The following CFHR4 variants were observed in gnomAD, a reference collection of about 807,000 sequenced individuals.
The protein encoded by CFHR4 is complement factor H related 4.
Under a neutral mutation model 69.3 loss-of-function variants are expected in CFHR4, and 64 were observed. That is an observed-to-expected ratio of 0.92 (90% confidence interval 0.76 to 1.14). The LOEUF is 1.14. Ranked by LOEUF, CFHR4 falls within the 50% of genes most tolerant of loss-of-function variation. The pLI, the probability that CFHR4 is intolerant of heterozygous loss-of-function variation, is 0.00. For synonymous variants in CFHR4, 244 were observed against 237.0 expected, an observed-to-expected ratio of 1.03 and a Z score of -0.27; for missense variants, 636 against 684.9, an observed-to-expected ratio of 0.93 and a Z score of 0.80.
Position 196,914,484 on chromosome 1 carries a change from T to C in CFHR4, c.1181-11T>C, listed in dbSNP as rs1658462564. The C allele has an allele frequency of 1.9e-6, 3 of 1,603,680 alleles. No homozygotes were observed. Among genetic ancestry groups the C allele is most frequent in the Non-Finnish European group, 2.6e-6 (3 of 1,175,120 alleles). ...CATAGAAAAGCAATCCTCAATTTTA[T>C]TTTGTTTCAGAATTTTGTGATATGC... On this transcript the variant is annotated splice_polypyrimidine_tract_variant and intron_variant, in intron 7 of 9. Transcript: ENST00000608469.
At chr1:196,890,421 T>C (rs1038429469) in intron 1 of CFHR4, among the ~76,000 whole-genome samples, 1 of 151,594 alleles carries the variant, frequency 6.6e-6, no homozygotes, top group African/African-American at 2.4e-5. Context: ...AAAGATAAAC[T>C]TGACAGAAAA....
chr1:196,917,004 T>C (rs1255874383), intron 9 of CFHR4, among the ~76,000 whole-genome samples: 1 of 151,636 alleles, frequency 6.6e-6, no homozygotes, highest in Non-Finnish European at 1.5e-5. Context: ...AAAATATGTT[T>C]GGAGAAGTAT....
intron 6 of CFHR4, 136 bp from the exon 7 acceptor site, chr1:196,912,604 A>G: frequency 9.8e-7 from 1 of 1,025,066 alleles, no homozygotes; most frequent in Non-Finnish European, 1.3e-6. Flanking sequence ...TGTCTAGGAA[A>G]CTTCCAGTTT....
intron 1 of CFHR4, among the ~76,000 whole-genome samples, chr1:196,897,150 A>G (rs1373113080): frequency 6.6e-6 from 1 of 151,640 alleles, no homozygotes; most frequent in South Asian, 2.1e-4. Flanking sequence ...CTTTCAATCA[A>G]GATGAAATGG....
intron 1 of CFHR4, among the ~76,000 whole-genome samples, chr1:196,889,318 CTT>C (rs1656897158): frequency 6.6e-6 from 1 of 151,506 alleles, no homozygotes; most frequent in Non-Finnish European, 1.5e-5. Flanking sequence ...AGGAATTTCT[CTT>C]GTTATTCCCT....
At chr1:196,906,724 T>G in intron 3 of CFHR4, 137 bp from the exon 4 acceptor site, 1 of 850,182 alleles carries the variant, frequency 1.2e-6, no homozygotes, top group Non-Finnish European at 1.7e-6. Context: ...AAACACTGAT[T>G]GTCGGACTAT....
intron 6 of CFHR4, among the ~76,000 whole-genome samples, chr1:196,911,331 A>G (rs1413682877): frequency 6.6e-6 from 1 of 151,642 alleles, no homozygotes; most frequent in East Asian, 1.9e-4. Flanking sequence ...CACAAAATAA[A>G]TAGACTACGG....
At chr1:196,900,372 G>C (rs1346230001) in intron 1 of CFHR4, among the ~76,000 whole-genome samples, 2 of 146,298 alleles carry the variant, frequency 1.4e-5, no homozygotes, top group Non-Finnish European at 3.0e-5. Flanking sequence ...GATAAAAATG[G>C]TTTAAATTTT....
chr1:196,910,366 AG>A lies in CFHR4; in HGVS notation c.887del (p.Gly296AspfsTer13), dbSNP rs1331740787. ...GTAGACCATACTTTCCAGTAGCTAC[AG>A]GACAATCTTACTCCTATTACTGTGA... ...TRRPYFPVATGQSYSYYCDQN... is the reference protein window; with the variant it reads ...TRRPYFPVATXQSYSYYCDQN... On this transcript the variant is annotated frameshift_variant, in exon 6 of 10. Coordinates refer to ENST00000608469, the MANE Select transcript of CFHR4 (RefSeq NM_001201550.3). LOFTEE classifies it high-confidence loss of function. The A allele has an allele frequency of 8.7e-6, 14 of 1,611,568 alleles. No individual in the cohort carries two copies. The highest frequency in any genetic ancestry group is 1.7e-5 in the Admixed American group (1 of 59,884).
intron 1 of CFHR4, among the ~76,000 whole-genome samples, chr1:196,891,996 AT>A (rs1261315635): frequency 6.6e-6 from 1 of 151,452 alleles, no homozygotes; most frequent in Non-Finnish European, 1.5e-5. Context: ...TACATTTCAG[AT>A]TTTTTCTTAT....
chr1:196,916,163 TG>T (rs1658612328), intron 9 of CFHR4, among the ~76,000 whole-genome samples: 1 of 151,478 alleles, frequency 6.6e-6, no homozygotes, highest in African/African-American at 2.4e-5. Flanking sequence ...TCTAGAATTT[TG>T]TCCCCCAAGT....
chr1:196,888,884 T>C (rs1257350560), intron 1 of CFHR4, among the ~76,000 whole-genome samples: 1 of 151,422 alleles, frequency 6.6e-6, no homozygotes, highest in Admixed American at 6.6e-5. Flanking sequence ...ATAATTTTCA[T>C]AGCTTTATGT....
intron 1 of CFHR4, among the ~76,000 whole-genome samples, chr1:196,896,488 A>C (rs1657302428): frequency 6.6e-6 from 1 of 151,596 alleles, no homozygotes; most frequent in African/African-American, 2.4e-5. Context: ...TTCTGTCTGC[A>C]TCTCTGTGAT....
rs762122396 is a variant in CFHR4 at position 196,907,407 on chromosome 1, C to A, written c.708C>A (p.Val236=). 6.2e-7 allele frequency: 1 copy of A among 1,611,506 alleles called. No homozygotes were observed. Among genetic ancestry groups the A allele is most frequent in the Non-Finnish European group, 8.5e-7 (1 of 1,178,772 alleles). ...PQKVYLPWSR[V]EYQCQSYYEL... ...AAGTGTATCTGCCATGGTCAAGAGTCGAGTACCAGTGCCAGTCCTACTATG... is the reference window on the plus strand; with the variant it reads ...AAGTGTATCTGCCATGGTCAAGAGTAGAGTACCAGTGCCAGTCCTACTATG... The change falls in exon 5 of 10, where the codon GTC becomes GTA. Residue 236 remains valine (V), a synonymous_variant. Coordinates refer to ENST00000608469, the MANE Select transcript of CFHR4 (RefSeq NM_001201550.3).
In CFHR4 at chr1:196,915,145, T is replaced by C. The variant is rs1295709573; in HGVS notation, c.1540+7T>C. ...GAACCACCAAGATGCATACGTAAGT[T>C]CTTAAAATTCTAGATCCTGAGAAAA... On this transcript the variant is annotated splice_region_variant and intron_variant, in intron 9 of 9. Transcript: ENST00000608469. 1 of 1,604,626 alleles carries C rather than the reference T, an allele frequency of 6.2e-7. No homozygotes were observed. The highest frequency in any genetic ancestry group is 8.5e-7 in the Non-Finnish European group (1 of 1,174,208).
At position 196,892,177 on chromosome 1, in the gene CFHR4, T is replaced by C. The variant is rs190332225; in HGVS notation, c.58+3969T>C. Among the ~76,000 whole-genome samples, 105 of 151,462 alleles carry C rather than the reference T, an allele frequency of 6.9e-4. 1 individual carries two copies. Among genetic ancestry groups the C allele is most frequent in the Admixed American group, 1.8e-3 (28 of 15,176 alleles). On this transcript the variant is annotated intron_variant, in intron 1 of 9. Coordinates refer to ENST00000608469, the MANE Select transcript of CFHR4 (RefSeq NM_001201550.3). Reference sequence around the variant, plus strand: ...AAGAGACCATACTACGTAGGAGAAGTGGATAAAGTGGAATGAGGTTCTTCT... The same window carrying C: ...AAGAGACCATACTACGTAGGAGAAGCGGATAAAGTGGAATGAGGTTCTTCT...
chr1:196,900,855 G>T (rs998014121), intron 1 of CFHR4, among the ~76,000 whole-genome samples: 1 of 151,048 alleles, frequency 6.6e-6, no homozygotes. Flanking sequence ...AAAATGGGGG[G>T]CAAAATCTAT....
Position 196,912,779 on chromosome 1 carries a change from T to A in CFHR4, c.1037T>A (p.Phe346Tyr), listed in dbSNP as rs1188366759. The A allele has an allele frequency of 2.9e-5, 46 of 1,598,178 alleles. No individual in the cohort carries two copies. The highest frequency in any genetic ancestry group is 3.8e-5 in the Non-Finnish European group (45 of 1,172,558). The change falls in exon 7 of 10, where the codon TTC becomes TAC. Residue 346 changes from phenylalanine (F) to tyrosine (Y), a missense_variant. By Grantham distance (22) the Phe-to-Tyr change is conservative. Transcript: ENST00000608469. ...SKSDIEIENG[F>Y]ISESSSIYIL... is the part of the protein sequence containing the mutation. ...TCAGATATAGAAATTGAAAATGGAT[T>A]CATTTCTGAATCTTCCTCTATTTAT... is the stretch of plus-strand genomic sequence containing the variant.
Position 196,918,499 on chromosome 1 carries a change from T to C in CFHR4, c.*93T>C, listed in dbSNP as rs563502698. The C allele has an allele frequency of 3.4e-4, 424 of 1,252,380 alleles. 10 individuals are homozygous for C. In the African/African-American group the frequency reaches 5.4e-3, roughly 16 times the overall value. The allele number at this position is 1,252,380 out of a possible 1,614,324, so 77.6% of individuals were successfully genotyped here. Reference sequence around the variant, plus strand: ...AAGATAGCTTCTGATATTGTTGTAATTTCTACTTTATTTCAAAGAAAATTA... The same window carrying C: ...AAGATAGCTTCTGATATTGTTGTAACTTCTACTTTATTTCAAAGAAAATTA... On this transcript the variant is annotated 3_prime_UTR_variant, in exon 10 of 10. Coordinates refer to ENST00000608469, the MANE Select transcript of CFHR4 (RefSeq NM_001201550.3).
Sources: gnomAD v4.1 joint callset for allele counts (sites outside exome capture counted in the v4.1 genomes callset) on GRCh38, gnomAD v4.1.1 for gene constraint, MANE v1.5 for transcripts, NCBI Gene and HGNC (gene_info 2026-07-23, HGNC 2026-07-21) for gene names.